Variants in CLSTN1 observed in about 807,000 individuals in gnomAD.
CLSTN1 encodes calsyntenin 1.
A neutral mutation model predicts 108.3 loss-of-function variants in CLSTN1; 28 were observed. The ratio of observed to expected loss-of-function variants is 0.26; its 90% confidence interval spans 0.19 to 0.35. The LOEUF (loss-of-function observed/expected upper bound fraction) is 0.35, where lower values mean the gene tolerates loss of function less well. Among genes scored for constraint, CLSTN1 ranks in the 10% least tolerant of loss-of-function variants. The probability of loss-of-function intolerance (pLI) is 1.00; values close to 1 mark genes in which losing one functional copy is unlikely to be tolerated. For missense variants in CLSTN1, 1,157 were observed against 1,302.6 expected (o/e 0.89, Z 1.72); for synonymous variants, 524 against 534.9 (o/e 0.98, Z 0.28).
chr1:9,742,673 T>C (rs764069267), intron 9 of CLSTN1, among the ~76,000 whole-genome samples: 2 of 152,130 alleles, frequency 1.3e-5, no homozygotes. Context: ...ATCACTCACA[T>C]AAATAAAAAA....
intron 5 of CLSTN1, chr1:9,750,198 A>G (rs980323432): frequency 1.6e-5 from 4 of 253,040 alleles, no homozygotes; most frequent in African/African-American, 4.4e-5. Context: ...AACTGTTTAC[A>G]TACATTCAGA....
intron 1 of CLSTN1, among the ~76,000 whole-genome samples, chr1:9,780,426 ATG>A (rs1395963017): frequency 6.6e-6 from 1 of 152,156 alleles, no homozygotes; most frequent in African/African-American, 2.4e-5. Context: ...GTAACGTAAA[ATG>A]TGTGTTTCTG....
intron 4 of CLSTN1, 131 bp downstream of exon 4, chr1:9,754,983 G>T: frequency 1.5e-6 from 1 of 657,446 alleles, no homozygotes; most frequent in Non-Finnish European, 2.6e-6. Context: ...TCTAATTGTA[G>T]ACACTTGAGA....
intron 17 of CLSTN1, 119 bp from the exon 18 acceptor site, chr1:9,731,509 AC>A (rs1650391248): frequency 1.7e-6 from 2 of 1,148,514 alleles, no homozygotes; most frequent in Admixed American, 4.4e-5. Context: ...AGCTGAACCC[AC>A]AGGCCAGGAG....
At chr1:9,735,801 T>C (rs1472437018) in intron 12 of CLSTN1, 84 bp downstream of exon 12, 1 of 1,547,934 alleles carries the variant, frequency 6.5e-7, no homozygotes, top group East Asian at 2.3e-5. Context: ...CAATCACAGA[T>C]TACTCACTCC....
Position 9,823,767 on chromosome 1 carries a change from G to T in CLSTN1, c.-34C>A. ...CGGGGCGGGAGCGGCAGGGAGGCGC[G>T]CGGGACGCCGAGCGGAGCTCTCGGA... On this transcript the variant is annotated 5_prime_UTR_variant, in exon 1 of 19. Transcript: ENST00000377298. The surrounding 1 kb of genome is among the most constrained non-coding windows in gnomAD (Gnocchi z 6.3). 1 of 991,458 alleles carries T rather than the reference G, an allele frequency of 1.0e-6. No individual in the cohort carries two copies. Among genetic ancestry groups the T allele is most frequent in the Non-Finnish European group, 1.2e-6 (1 of 826,386 alleles). The allele number at this position is 991,458 out of a possible 1,614,324, so 61.4% of individuals were successfully genotyped here. A position where few individuals can be genotyped will look rare whatever the true frequency, so the allele number is the denominator to read the frequency against.
rs1275773274 is a variant in CLSTN1 at position 9,734,991 on chromosome 1, C to T, written c.2067G>A (p.Thr689=). Residue 689 remains threonine (T), a synonymous_variant, in exon 14 of 19, where the codon ACG becomes ACA. Coordinates refer to ENST00000377298, the MANE Select transcript of CLSTN1 (RefSeq NM_001009566.3). This position sits in a 1 kb window ranked among gnomAD's most constrained non-coding sequence, Gnocchi z 4.8. ...CGTCCCCTTCAGGCTCCACTTCTCT[C>T]GTGATGGTGCTGATGATGCGAAGCT... ...FPELRIISTI[T]REVEPEGDGA... The T allele has an allele frequency of 1.8e-5, 29 of 1,614,086 alleles. No homozygotes were observed. The highest frequency in any genetic ancestry group is 6.7e-5 in the East Asian group (3 of 44,898).
intron 1 of CLSTN1, among the ~76,000 whole-genome samples, chr1:9,810,658 C>T (rs1409283585): frequency 6.6e-6 from 1 of 151,796 alleles, no homozygotes; most frequent in Non-Finnish European, 1.5e-5. Flanking sequence ...ACCTATAATC[C>T]CAGCTACTCA....
chr1:9,756,456 AG>A, intron 3 of CLSTN1, 24 bp downstream of exon 3: 1 of 1,602,806 alleles, frequency 6.2e-7, no homozygotes, highest in Non-Finnish European at 8.5e-7. Flanking sequence ...TATTCATAAG[AG>A]GGGAAGAAAG....
chr1:9,736,573 T>C (rs1650701508), intron 11 of CLSTN1, among the ~76,000 whole-genome samples: 1 of 152,158 alleles, frequency 6.6e-6, no homozygotes, highest in African/African-American at 2.4e-5. Context: ...TGCCTCCTCC[T>C]GAGGATTGCT....
intron 15 of CLSTN1, 58 bp from the exon 16 acceptor site, chr1:9,733,604 G>T: frequency 6.3e-7 from 1 of 1,598,802 alleles, no homozygotes; most frequent in Non-Finnish European, 8.6e-7. Context: ...GCATGGGCAG[G>T]GCTGCAGCCG....
chr1:9,743,050 T>C (rs1157764086), intron 9 of CLSTN1, among the ~76,000 whole-genome samples: 1 of 152,210 alleles, frequency 6.6e-6, no homozygotes, highest in Non-Finnish European at 1.5e-5. Context: ...TTTTAGCAAC[T>C]GCAGGCACAT....
chr1:9,803,888 T>A (rs1282089682), intron 1 of CLSTN1, among the ~76,000 whole-genome samples: 1 of 152,186 alleles, frequency 6.6e-6, no homozygotes, highest in Non-Finnish European at 1.5e-5. Flanking sequence ...GGCCATCTTG[T>A]GAGGAAAAAC....
At chr1:9,770,529 G>A (rs1016428930) in intron 2 of CLSTN1, among the ~76,000 whole-genome samples, 2 of 152,140 alleles carry the variant, frequency 1.3e-5, no homozygotes, top group Admixed American at 6.5e-5. Context: ...TGCACCCCCC[G>A]ACCAGCTACA....
chr1:9,751,391 A>G (rs1651549196), intron 5 of CLSTN1, 82 bp downstream of exon 5: 2 of 1,346,980 alleles, frequency 1.5e-6, no homozygotes, highest in East Asian at 4.7e-5. Flanking sequence ...AGTTCTGACG[A>G]AGCACAGAAG....
intron 1 of CLSTN1, among the ~76,000 whole-genome samples, chr1:9,774,694 C>T (rs1013075385): frequency 4.6e-5 from 7 of 151,920 alleles, no homozygotes; most frequent in Non-Finnish European, 5.9e-5. Context: ...ATCCAGCCCC[C>T]GAGACAGTGT....
At chr1:9,754,785 G>A (rs778597382) in intron 4 of CLSTN1, among the ~76,000 whole-genome samples, 25 of 152,148 alleles carry the variant, frequency 1.6e-4, no homozygotes, top group Non-Finnish European at 3.2e-4. Context: ...AACCCAGGAG[G>A]CGGAGGTTGC....
intron 2 of CLSTN1, 114 bp from the exon 3 acceptor site, chr1:9,756,624 C>T (rs1020719845): frequency 1.6e-5 from 13 of 807,344 alleles, no homozygotes; most frequent in South Asian, 1.6e-4. Context: ...CCAAGCTCAG[C>T]GACCGGCTTC....
intron 18 of CLSTN1, 193 bp downstream of exon 18, chr1:9,731,013 C>T (rs1265871840): frequency 2.9e-6 from 2 of 678,858 alleles, no homozygotes; most frequent in Admixed American, 2.6e-5. Flanking sequence ...CTTCTCTACA[C>T]TTAAGGCAGA....
Sources: gnomAD v4.1 joint callset for allele counts (sites outside exome capture counted in the v4.1 genomes callset) on GRCh38, gnomAD v4.1.1 for gene constraint, Gnocchi (gnomAD v3.1) non-coding constraint, MANE v1.5 for transcripts, NCBI Gene and HGNC (gene_info 2026-07-23, HGNC 2026-07-21) for gene names.